PRIM2: variants seen among roughly 807,000 people sequenced by gnomAD.
The protein encoded by PRIM2 is DNA primase large subunit.
PRIM2 carries 39 observed loss-of-function variants against 67.3 expected under a neutral mutation model. The ratio of observed to expected loss-of-function variants is 0.58; its 90% CI spans 0.45 to 0.76. The LOEUF (loss-of-function observed/expected upper bound fraction) is 0.76, where lower values mean the gene tolerates loss of function less well. Ranked by LOEUF, PRIM2 falls within the 30% of genes least tolerant of loss-of-function variation. The probability of loss-of-function intolerance (pLI) is 0.00; values close to 1 mark genes in which losing one functional copy is unlikely to be tolerated. For synonymous variants in PRIM2, 143 were observed against 198.7 expected (o/e 0.72, Z 2.36); for missense variants, 398 against 598.7 (o/e 0.66, Z 3.50).
the PRIM2 span, among the ~76,000 whole-genome samples, chr6:57,249,285 T>C: frequency 6.6e-6 from 1 of 152,178 alleles, no homozygotes; most frequent in African/African-American, 2.4e-5. Context: ...TTATTATGCA[T>C]ATTAGGTCAG....
At chr6:57,247,065 A>G in the PRIM2 span, among the ~76,000 whole-genome samples, 1 of 152,168 alleles carries the variant, frequency 6.6e-6, no homozygotes, top group Non-Finnish European at 1.5e-5. Flanking sequence ...CGTGTTAGCC[A>G]GGATGGTCTT....
intron 5 of PRIM2, among the ~76,000 whole-genome samples, chr6:57,338,698 C>T (rs1162924350): frequency 1.4e-5 from 2 of 144,262 alleles, no homozygotes; most frequent in African/African-American, 2.6e-5. Context: ...ATTGATGGGA[C>T]GTATTTCAAA....
At chr6:57,518,317 A>G (rs1554348474) in intron 8 of PRIM2, among the ~76,000 whole-genome samples, 4 of 152,226 alleles carry the variant, frequency 2.6e-5, no homozygotes, top group Non-Finnish European at 5.9e-5. Flanking sequence ...TGTGTCCTTA[A>G]TCATCCAATG....
intron 10 of PRIM2, among the ~76,000 whole-genome samples, chr6:57,555,277 A>G (rs1775489606): frequency 6.6e-6 from 1 of 152,016 alleles, no homozygotes; most frequent in Non-Finnish European, 1.5e-5. Flanking sequence ...TTGTGTAAAT[A>G]TTGTATCTAT....
intron 7 of PRIM2, among the ~76,000 whole-genome samples, chr6:57,438,659 A>G (rs577139969): frequency 1.6e-4 from 25 of 152,306 alleles, no homozygotes; most frequent in African/African-American, 4.8e-4. Flanking sequence ...TTTAAAGACA[A>G]TGTTCATTTA....
At chr6:57,595,137 T>C (rs1357675547) in intron 10 of PRIM2, among the ~76,000 whole-genome samples, 2 of 152,206 alleles carry the variant, frequency 1.3e-5, no homozygotes, top group Non-Finnish European at 2.9e-5. Flanking sequence ...TGTGGAACTG[T>C]TAGTGATTGC....
chr6:57,375,644 T>G (rs1769736862), intron 5 of PRIM2, among the ~76,000 whole-genome samples: 1 of 151,380 alleles, frequency 6.6e-6, no homozygotes, highest in African/African-American at 2.4e-5. Context: ...CTTAAACTCC[T>G]GGGCTCAAGA....
intron 9 of PRIM2, among the ~76,000 whole-genome samples, chr6:57,534,284 A>G (rs1384175704): frequency 3.3e-4 from 50 of 151,508 alleles, no homozygotes; most frequent in Non-Finnish European, 1.5e-4. Context: ...ATCATCTGAT[A>G]CCTCCTTTGT....
the PRIM2 span, among the ~76,000 whole-genome samples, chr6:57,298,879 C>CTT: frequency 2.0e-5 from 3 of 152,112 alleles, no homozygotes; most frequent in Non-Finnish European, 4.4e-5. Flanking sequence ...GCCGGCCTTG[C>CTT]TTTTCCTGCC....
At chr6:57,567,627 A>G (rs1775768624) in intron 10 of PRIM2, among the ~76,000 whole-genome samples, 1 of 152,142 alleles carries the variant, frequency 6.6e-6, no homozygotes, top group African/African-American at 2.4e-5. Flanking sequence ...CCTTATATTC[A>G]CTAGGACATA....
At chr6:57,519,935 C>T in intron 8 of PRIM2, among the ~76,000 whole-genome samples, 2 of 152,324 alleles carry the variant, frequency 1.3e-5, no homozygotes. Flanking sequence ...TGTTTGGGGT[C>T]CCTGACTTCC....
chr6:57,375,630 T>C (rs1303741064), intron 5 of PRIM2, among the ~76,000 whole-genome samples: 1 of 151,874 alleles, frequency 6.6e-6, no homozygotes, highest in Non-Finnish European at 1.5e-5. Context: ...TAGTTCACTG[T>C]AGCCTTAAAC....
the PRIM2 span, among the ~76,000 whole-genome samples, chr6:57,302,288 G>C: frequency 1.3e-5 from 2 of 152,170 alleles, no homozygotes; most frequent in Non-Finnish European, 2.9e-5. Flanking sequence ...TAGAGAGATA[G>C]ATAGAGTCAT....
chr6:57,412,896 C>T (rs1771138123), intron 7 of PRIM2, among the ~76,000 whole-genome samples: 1 of 152,022 alleles, frequency 6.6e-6, no homozygotes, highest in Non-Finnish European at 1.5e-5. Flanking sequence ...AATTTCATTA[C>T]GTTACTGGGA....
At chr6:57,269,550 A>G in the PRIM2 span, among the ~76,000 whole-genome samples, 1 of 152,058 alleles carries the variant, frequency 6.6e-6, no homozygotes, top group Admixed American at 6.5e-5. Flanking sequence ...AGATGAGTAG[A>G]TTGCAAAAAT....
At chr6:57,350,184 G>A (rs1483652547) in intron 5 of PRIM2, among the ~76,000 whole-genome samples, 1 of 151,988 alleles carries the variant, frequency 6.6e-6, no homozygotes, top group Admixed American at 6.6e-5. Flanking sequence ...ATTTCCCTTG[G>A]AGAGTTCTTC....
At chr6:57,242,550 TG>T in the PRIM2 span, among the ~76,000 whole-genome samples, 1 of 152,214 alleles carries the variant, frequency 6.6e-6, no homozygotes. Flanking sequence ...ACCAATATGA[TG>T]GTTACCAAAT....
intron 10 of PRIM2, among the ~76,000 whole-genome samples, chr6:57,574,654 A>G (rs1220738054): frequency 2.0e-4 from 31 of 151,380 alleles, no homozygotes; most frequent in African/African-American, 7.3e-4. Flanking sequence ...TGCACTAGCC[A>G]GGAAAGAGGG....
chr6:57,592,216 A>G (rs1776292486), intron 10 of PRIM2, among the ~76,000 whole-genome samples: 1 of 152,226 alleles, frequency 6.6e-6, no homozygotes, highest in South Asian at 2.1e-4. Flanking sequence ...CCTATTGGGT[A>G]CTTTGTTCAC....
Sources: gnomAD v4.1 joint callset for allele counts (sites outside exome capture counted in the v4.1 genomes callset) on GRCh38, gnomAD v4.1.1 for gene constraint, MANE v1.5 for transcripts, NCBI Gene and HGNC (gene_info 2026-07-23, HGNC 2026-07-21) for gene names.